RNF207: variants seen among roughly 807,000 people sequenced by gnomAD.
RNF207 encodes ring finger protein 207.
RNF207 carries 72 observed loss-of-function variants against 79.0 expected under a neutral mutation model. The observed-to-expected ratio is 0.91, with a 90% CI of 0.75 to 1.11. The LOEUF (loss-of-function observed/expected upper bound fraction) is 1.11, where lower values mean the gene tolerates loss of function less well. Among genes scored for constraint, RNF207 ranks in the 50% least tolerant of loss-of-function variants. RNF207 has a pLI of 0.00. For missense variants in RNF207, 936 were observed against 855.8 expected (o/e 1.09, Z -1.17); for synonymous variants, 348 against 366.2 (o/e 0.95, Z 0.57).
chr1:6,210,187 T>C, intron 8 of RNF207, 36 bp from the exon 9 acceptor site: 1 of 1,572,238 alleles, frequency 6.4e-7, no homozygotes, highest in Non-Finnish European at 8.7e-7. Context: ...GCCCTGCTCC[T>C]GGCCCCCTGG....
Position 6,211,182 on chromosome 1 carries a change from C to T in RNF207, c.1109+64C>T, listed in dbSNP as rs906789675. On this transcript the variant is annotated intron_variant, in intron 12 of 17. Coordinates refer to ENST00000377939, the MANE Select transcript of RNF207 (RefSeq NM_207396.3). This position sits in a 1 kb window ranked among gnomAD's most constrained non-coding sequence, Gnocchi z 4.2. ...ACACTGGGGTGTGGGGGAGGGTGGG[C>T]GCTGAGGGGCCAGATCGCCAGCAAG... is the stretch of plus-strand genomic sequence containing the variant. 1.1e-5 allele frequency: 12 copies of T among 1,142,502 alleles called. No homozygotes were observed. The highest frequency in any genetic ancestry group is 2.6e-5 in the East Asian group (1 of 39,034). 70.8% of individuals were successfully genotyped at this position (1,142,502 alleles called of 1,614,324 possible).
rs1044647991 is a variant in RNF207 at position 6,206,441 on chromosome 1, G to A, written c.1-95G>A. 7 of 895,584 alleles carry A rather than the reference G, an allele frequency of 7.8e-6. No homozygotes were observed. The Admixed American group carries it at 8.6e-5, about 11-fold the overall frequency. 55.5% of individuals were successfully genotyped at this position (895,584 alleles called of 1,614,324 possible). A position where few individuals can be genotyped will look rare whatever the true frequency, so the allele number is the denominator to read the frequency against. On this transcript the variant is annotated intron_variant, in intron 1 of 17. Transcript: ENST00000377939. ...TGGACGCCCAGTCGGGTCCAGGCGCGATAGGGAGGGCGCGGGCGCCCGGGC... is the reference window on the plus strand; with the variant it reads ...TGGACGCCCAGTCGGGTCCAGGCGCAATAGGGAGGGCGCGGGCGCCCGGGC...
chr1:6,218,572 T>C (rs1668441824), intron 17 of RNF207, among the ~76,000 whole-genome samples: 2 of 152,214 alleles, frequency 1.3e-5, no homozygotes, highest in Admixed American at 6.5e-5. Context: ...CAGGTGTTCC[T>C]TTGATAGACA....
Position 6,211,560 on chromosome 1 carries a change from G to A in RNF207, c.1110-307G>A, listed in dbSNP as rs1668167246. ...GGGGCCCCAAGACCAAGAGAGACTGGGCCCACACTTCCTCTGTCCAGCATA... is the reference window on the plus strand; with the variant it reads ...GGGGCCCCAAGACCAAGAGAGACTGAGCCCACACTTCCTCTGTCCAGCATA... On this transcript the variant is annotated intron_variant, in intron 12 of 17. Transcript: ENST00000377939. The surrounding 1 kb of genome is among the most constrained non-coding windows in gnomAD (Gnocchi z 4.2). Among the ~76,000 whole-genome samples, 1 of 152,166 alleles carries A rather than the reference G, an allele frequency of 6.6e-6. No homozygotes were observed. Among genetic ancestry groups the A allele is most frequent in the South Asian group, 2.1e-4 (1 of 4,830 alleles).
Position 6,211,685 on chromosome 1 carries a change from A to T in RNF207, c.1110-182A>T, listed in dbSNP as rs1186367053. On this transcript the variant is annotated intron_variant, in intron 12 of 17. Coordinates refer to ENST00000377939, the MANE Select transcript of RNF207 (RefSeq NM_207396.3). The surrounding 1 kb of genome is among the most constrained non-coding windows in gnomAD (Gnocchi z 4.2). ...GAACCCACTCCAGGGACTTTAAAAA[A>T]TAGATGTGGATGTCCGGGTGAGGCC... 6.6e-6 allele frequency among the ~76,000 whole-genome samples: 1 copy of T among 152,186 alleles called. No individual in the cohort carries two copies. The highest frequency in any genetic ancestry group is 1.5e-5 in the Non-Finnish European group (1 of 68,026).
chr1:6,210,786 A>G, intron 10 of RNF207, 84 bp from the exon 11 acceptor site: 1 of 1,237,892 alleles, frequency 8.1e-7, no homozygotes, highest in Non-Finnish European at 1.2e-6. Flanking sequence ...TGCCAAAGAC[A>G]GACGTGCTCC....
chr1:6,216,936 C>G (rs1315730744), intron 16 of RNF207, among the ~76,000 whole-genome samples: 1 of 151,950 alleles, frequency 6.6e-6, no homozygotes, highest in East Asian at 1.9e-4. Context: ...GTGGCTCAAT[C>G]ACAGCTCACT....
intron 16 of RNF207, among the ~76,000 whole-genome samples, chr1:6,215,005 C>A (rs1668313538): frequency 1.3e-5 from 2 of 151,008 alleles, no homozygotes; most frequent in African/African-American, 4.9e-5. Context: ...TGGGCTGGCC[C>A]TCTAATGTAC....
rs1260663575 is a variant in RNF207 at position 6,217,340 on chromosome 1, C to A, written c.1653-949C>A. The stretch of plus-strand genomic sequence containing the variant: ...GCATTCTCCACAGCCTACGCTCACT[C>A]CTTGGGCGACCTCATTCAGTCCCTG... On this transcript the variant is annotated intron_variant, in intron 16 of 17. Transcript: ENST00000377939. The surrounding 1 kb of genome is among the most constrained non-coding windows in gnomAD (Gnocchi z 4.2). Among the ~76,000 whole-genome samples the A allele has an allele frequency of 6.6e-6, 1 of 152,158 alleles. No homozygotes were observed. Among genetic ancestry groups the A allele is most frequent in the East Asian group, 1.9e-4 (1 of 5,184 alleles).
chr1:6,213,143 G>A lies in RNF207; in HGVS notation c.1612G>A (p.Val538Ile), dbSNP rs754207241. The change falls in exon 16 of 18, where the codon GTC (valine) becomes ATC (isoleucine). Residue 538 changes from valine (V) to isoleucine (I), a missense_variant. Physicochemically the swap from Val to Ile is conservative, Grantham distance 29. Coordinates refer to ENST00000377939, the MANE Select transcript of RNF207 (RefSeq NM_207396.3). ...CATCACCAAGCAGATCACGCCCTACGTCCGCTCCATTGCCAAGGTGAAGGA... is the reference window on the plus strand; with the variant it reads ...CATCACCAAGCAGATCACGCCCTACATCCGCTCCATTGCCAAGGTGAAGGA... The part of the protein sequence containing the change: ...TTITKQITPY[V>I]RSIAKVKERL... 16 of 1,612,996 alleles carry A rather than the reference G, an allele frequency of 9.9e-6. No individual in the cohort carries two copies. Among genetic ancestry groups the A allele is most frequent in the South Asian group, 6.6e-5 (6 of 91,018 alleles).
chr1:6,210,411 C>A lies in RNF207; in HGVS notation c.915C>A (p.Asn305Lys), dbSNP rs754092948. Residue 305 changes from asparagine (N) to lysine (K), a missense_variant, in exon 10 of 18, where the codon AAC becomes AAA. Physicochemically the swap from Asn to Lys is moderately conservative, Grantham distance 94 (BLOSUM62 0). Coordinates refer to ENST00000377939, the MANE Select transcript of RNF207 (RefSeq NM_207396.3). The stretch of plus-strand genomic sequence containing the variant: ...GCTCCTCCTTCCTCAGCTTGGCCAA[C>A]AAGGCTGAGTTCCTGGACCTGGGCT... ...VICSSFLSLA[N>K]KAEFLDLGYE... The A allele has an allele frequency of 2.5e-6, 4 of 1,613,676 alleles. No homozygotes were observed. The highest frequency in any genetic ancestry group is 3.4e-6 in the Non-Finnish European group (4 of 1,179,872).
rs1434640162 is a variant in RNF207 at position 6,217,891 on chromosome 1, A to G, written c.1653-398A>G. ...ACAATGCCCTTTCAGTTCCCCAAAA[A>G]AGCTAGACTGGTCCCACTTCTGGGC... On this transcript the variant is annotated intron_variant, in intron 16 of 17. Coordinates refer to ENST00000377939, the MANE Select transcript of RNF207 (RefSeq NM_207396.3). The surrounding 1 kb of genome is among the most constrained non-coding windows in gnomAD (Gnocchi z 4.2). Among the ~76,000 whole-genome samples the G allele has an allele frequency of 2.0e-5, 3 of 152,156 alleles. No individual in the cohort carries two copies. The highest frequency in any genetic ancestry group is 7.2e-5 in the African/African-American group (3 of 41,410).
At position 6,213,194 on chromosome 1, in the gene RNF207, G is replaced by T; in HGVS notation, c.1652+11G>T. 6.4e-7 allele frequency: 1 copy of T among 1,571,604 alleles called. No homozygotes were observed. The highest frequency in any genetic ancestry group is 1.1e-5 in the South Asian group (1 of 89,918). On this transcript the variant is annotated intron_variant, in intron 16 of 17. Transcript: ENST00000377939. ...GCGGCTGGAGCCCAGGTGAGGCCAA[G>T]GGGGTGTTCCCAGGGCCACTGAGAC... is the stretch of plus-strand genomic sequence containing the variant.
At chr1:6,213,217 G>C in intron 16 of RNF207, 34 bp downstream of exon 16, 1 of 1,390,514 alleles carries the variant, frequency 7.2e-7, no homozygotes, top group South Asian at 1.2e-5. Context: ...GGGCCACTGA[G>C]ACTCTTCAGA....
In RNF207 at chr1:6,213,060, C is replaced by T. The variant is rs1351141987; in HGVS notation, c.1535-6C>T. ...AAGACCCCATGCTCTGGCCTTGGCCCCACAGCCCAGCTCCATGACCTTCTC... is the reference window on the plus strand; with the variant it reads ...AAGACCCCATGCTCTGGCCTTGGCCTCACAGCCCAGCTCCATGACCTTCTC... On this transcript the variant is annotated splice_polypyrimidine_tract_variant and splice_region_variant and intron_variant, in intron 15 of 17. Transcript: ENST00000377939. 6.2e-7 allele frequency: 1 copy of T among 1,602,536 alleles called. No individual in the cohort carries two copies. Among genetic ancestry groups the T allele is most frequent in the Non-Finnish European group, 8.5e-7 (1 of 1,170,780 alleles).
intron 3 of RNF207, 100 bp from the exon 4 acceptor site, chr1:6,208,781 C>A: frequency 1.6e-6 from 2 of 1,288,866 alleles, no homozygotes; most frequent in Non-Finnish European, 2.1e-6. Context: ...CGCACCCGGC[C>A]ACGGCTGGGA....
In RNF207 at chr1:6,221,083, C is replaced by T. The variant is rs1553149879; in HGVS notation, c.*1676C>T. 1 of 152,260 alleles carries T rather than the reference C, an allele frequency of 6.6e-6. No individual in the cohort carries two copies. The highest frequency in any genetic ancestry group is 1.5e-5 in the Non-Finnish European group (1 of 68,016). The allele number at this position is 152,260 out of a possible 1,614,324, so 9.4% of individuals were successfully genotyped here. On this transcript the variant is annotated 3_prime_UTR_variant, in exon 18 of 18. Coordinates refer to ENST00000377939, the MANE Select transcript of RNF207 (RefSeq NM_207396.3). ...TTACAACTGGTTAGAGGTAGGAATT[C>T]AGAAAGAAATTGAGGAGGCCAAACA... is the stretch of plus-strand genomic sequence containing the variant.
At position 6,209,102 on chromosome 1, in the gene RNF207, G is replaced by T. The variant is rs1044578161; in HGVS notation, c.470-13G>T. 1.9e-6 allele frequency: 3 copies of T among 1,550,176 alleles called. No homozygotes were observed. The highest frequency in any genetic ancestry group is 1.2e-5 in the South Asian group (1 of 84,182). ...CTGACCGGAGCCCTCACCACCGCCC[G>T]CCGCCCCCGCAGCGCTGCACGCAGA... On this transcript the variant is annotated splice_polypyrimidine_tract_variant and intron_variant, in intron 4 of 17. Transcript: ENST00000377939.
chr1:6,209,466 C>A lies in RNF207; in HGVS notation c.680C>A (p.Ala227Asp). ...CGGGAGGCCATCGCGCTGCTGCAGG[C>A]CATGGTGGAGGAGGTGCGGCACAGC... ...ATREAIALLQ[A>D]MVEEVRHSAA... The change falls in exon 7 of 18, where the codon GCC becomes GAC. Residue 227 changes from alanine to aspartate, a missense_variant. Coordinates refer to ENST00000377939, the MANE Select transcript of RNF207 (RefSeq NM_207396.3). The A allele has an allele frequency of 6.6e-7, 1 of 1,509,852 alleles. No homozygotes were observed. Among genetic ancestry groups the A allele is most frequent in the Non-Finnish European group, 8.8e-7 (1 of 1,134,946 alleles). The allele number at this position is 1,509,852 out of a possible 1,614,324, so 93.5% of individuals were successfully genotyped here.
Sources: gnomAD v4.1 joint callset for allele counts (sites outside exome capture counted in the v4.1 genomes callset) on GRCh38, gnomAD v4.1.1 for gene constraint, Gnocchi (gnomAD v3.1) non-coding constraint, MANE v1.5 for transcripts, NCBI Gene and HGNC (gene_info 2026-07-23, HGNC 2026-07-21) for gene names.